Variants in TOMM20L observed in about 807,000 individuals in gnomAD.
The protein encoded by TOMM20L is translocase of outer mitochondrial membrane 20 like, also known as TOMM20-like protein 1.
A neutral mutation model predicts 20.4 loss-of-function variants in TOMM20L; 19 were observed. The observed-to-expected ratio is 0.93, with a 90% CI of 0.65 to 1.36. The LOEUF is 1.36. TOMM20L is among the 40% of genes most tolerant of loss of function. The pLI is 0.00. For missense variants in TOMM20L, 218 were observed against 203.7 expected (o/e 1.07, Z -0.43); for synonymous variants, 75 against 79.6 (o/e 0.94, Z 0.30).
chr14:58,407,121 T>C (rs1040508063), intron 3 of TOMM20L, among the ~76,000 whole-genome samples: 2 of 152,250 alleles, frequency 1.3e-5, no homozygotes, highest in African/African-American at 4.8e-5. Context: ...TTGCTGTAAT[T>C]TGGCTCAAAA....
the TOMM20L span, among the ~76,000 whole-genome samples, chr14:58,415,163 G>T: frequency 6.6e-6 from 1 of 152,160 alleles, no homozygotes; most frequent in South Asian, 2.1e-4. Flanking sequence ...TCAGAGTGAG[G>T]AAGATGAATT....
At chr14:58,396,862 G>A (rs2035932920) in intron 2 of TOMM20L, among the ~76,000 whole-genome samples, 1 of 152,230 alleles carries the variant, frequency 6.6e-6, no homozygotes, top group Admixed American at 6.5e-5. Context: ...TGGGAGGCAA[G>A]GCGGGCAGAT....
intron 3 of TOMM20L, among the ~76,000 whole-genome samples, chr14:58,406,447 C>T (rs1427124706): frequency 6.6e-6 from 1 of 152,086 alleles, no homozygotes. Flanking sequence ...CTAGTTTCAG[C>T]TAATAAAAAT....
chr14:58,407,921 G>C (rs765187129), intron 4 of TOMM20L, among the ~76,000 whole-genome samples: 2 of 152,110 alleles, frequency 1.3e-5, no homozygotes, highest in African/African-American at 2.4e-5. Flanking sequence ...CAAATGCTTG[G>C]ATTCATTTCA....
At chr14:58,398,546 C>T (rs2035953797) in intron 2 of TOMM20L, 1 of 152,082 alleles carries the variant, frequency 6.6e-6, no homozygotes, top group South Asian at 2.1e-4. Context: ...AGAGAACAGA[C>T]ACAATTATTT....
intron 3 of TOMM20L, among the ~76,000 whole-genome samples, chr14:58,403,645 T>C (rs1490075498): frequency 2.0e-5 from 3 of 152,000 alleles, no homozygotes; most frequent in South Asian, 2.1e-4. Flanking sequence ...GAGACCATCC[T>C]GGCTAACACG....
downstream of TOMM20L, chr14:58,410,861 T>G (rs779621976): frequency 6.2e-7 from 1 of 1,609,400 alleles, no homozygotes; most frequent in South Asian, 1.1e-5. Flanking sequence ...GTTTTACTTC[T>G]CTTGTTGTGA....
At chr14:58,404,476 T>C (rs917988374) in intron 3 of TOMM20L, among the ~76,000 whole-genome samples, 5 of 151,740 alleles carry the variant, frequency 3.3e-5, no homozygotes, top group African/African-American at 1.2e-4. Context: ...ACAGTGCCTG[T>C]ACCTGTTTTT....
intron 3 of TOMM20L, among the ~76,000 whole-genome samples, chr14:58,406,842 T>C (rs1185514882): frequency 1.3e-5 from 2 of 152,252 alleles, no homozygotes; most frequent in Non-Finnish European, 2.9e-5. Context: ...CTTATTTTTT[T>C]CCCTGGGGTA....
chr14:58,412,014 A>T, downstream of TOMM20L: 1 of 1,451,312 alleles, frequency 6.9e-7, no homozygotes, highest in Non-Finnish European at 9.7e-7. Context: ...CTATAAACAA[A>T]TGTTTTTAGT....
chr14:58,414,025 A>AAAAG, the TOMM20L span, among the ~76,000 whole-genome samples: 1 of 149,542 alleles, frequency 6.7e-6, no homozygotes, highest in Admixed American at 6.7e-5. Flanking sequence ...AAAAAAAAAA[A>AAAAG]AAAAAAAAAA....
At chr14:58,410,050 T>C (rs954320799), downstream of TOMM20L, among the ~76,000 whole-genome samples, 33 of 151,936 alleles carry the variant, frequency 2.2e-4, no homozygotes, top group Admixed American at 2.1e-3. Flanking sequence ...TTTTATTTTT[T>C]AGTAGAGATG....
Position 58,404,141 on chromosome 14 carries a change from TTTTTTG to T in TOMM20L, c.262+1381_262+1386del, listed in dbSNP as rs1171173021. 3.6e-4 allele frequency among the ~76,000 whole-genome samples: 6 copies of T among 16,580 alleles called. 1 individual carries two copies. Among genetic ancestry groups the T allele is most frequent in the East Asian group, 8.0e-3 (2 of 250 alleles). 10.9% of individuals were successfully genotyped at this position (16,580 alleles called of 152,430 possible). The stretch of plus-strand genomic sequence containing the variant: ...TATATTTTTTTTTTTTTTTTTTTTT[TTTTTTG>T]GAGACGGAGTCTCGCTCTGTCGCCC... On this transcript the variant is annotated intron_variant, in intron 3 of 4. Transcript: ENST00000360945.
At chr14:58,414,758 A>G in the TOMM20L span, among the ~76,000 whole-genome samples, 1 of 151,942 alleles carries the variant, frequency 6.6e-6, no homozygotes, top group Non-Finnish European at 1.5e-5. Flanking sequence ...AAAAGAAAAA[A>G]AAGAAAGAAA....
At chr14:58,402,450 G>A (rs1320481092) in intron 2 of TOMM20L, among the ~76,000 whole-genome samples, 1 of 151,908 alleles carries the variant, frequency 6.6e-6, no homozygotes. Context: ...CACCACACCT[G>A]GCTAATTTTG....
chr14:58,410,875 C>CT, downstream of TOMM20L: 1 of 1,612,888 alleles, frequency 6.2e-7, no homozygotes, highest in Non-Finnish European at 8.5e-7. Context: ...GTTGTGAAGT[C>CT]TTTAACACAG....
intron 3 of TOMM20L, among the ~76,000 whole-genome samples, chr14:58,404,995 T>C (rs1403921645): frequency 1.4e-5 from 2 of 147,860 alleles, no homozygotes; most frequent in African/African-American, 5.0e-5. Flanking sequence ...TGAGATGGAG[T>C]TTCACTCTTG....
Position 58,402,857 on chromosome 14 carries a change from G to A in TOMM20L, c.262+96G>A, listed in dbSNP as rs979788797. On this transcript the variant is annotated intron_variant, in intron 3 of 4. Coordinates refer to ENST00000360945, the MANE Select transcript of TOMM20L (RefSeq NM_207377.3). ...GTATGTCAAATAACTAGCTGGATGTGTTAGCCAACTCCCCTCATTAAAGAA... is the reference window on the plus strand; with the variant it reads ...GTATGTCAAATAACTAGCTGGATGTATTAGCCAACTCCCCTCATTAAAGAA... The A allele has an allele frequency of 2.2e-5, 19 of 875,904 alleles. No individual in the cohort carries two copies. In the African/African-American group the frequency reaches 3.2e-4, roughly 15 times the overall value. The allele number at this position is 875,904 out of a possible 1,614,324, so 54.3% of individuals were successfully genotyped here. A position where few individuals can be genotyped will look rare whatever the true frequency, so the allele number is the denominator to read the frequency against.
intron 2 of TOMM20L, among the ~76,000 whole-genome samples, chr14:58,396,662 A>G (rs972235489): frequency 6.6e-6 from 1 of 152,128 alleles, no homozygotes; most frequent in African/African-American, 2.4e-5. Flanking sequence ...ACACTTAAAA[A>G]CCCAGGCTGG....
Sources: allele counts gnomAD v4.1 joint callset (sites outside exome capture counted in the v4.1 genomes callset), GRCh38; gene constraint gnomAD v4.1.1; transcripts MANE v1.5; gene names NCBI Gene and HGNC (gene_info 2026-07-23, HGNC 2026-07-21).